BNC2: variants seen among roughly 807,000 people sequenced by gnomAD.
BNC2 encodes the protein basonuclin zinc finger protein 2.
A neutral mutation model predicts 76.3 loss-of-function variants in BNC2; 20 were observed. That is an observed-to-expected ratio of 0.26 (90% CI 0.18 to 0.38). The LOEUF (loss-of-function observed/expected upper bound fraction) is 0.38, where lower values mean the gene tolerates loss of function less well. Ranked by LOEUF, BNC2 falls within the 10% of genes least tolerant of loss-of-function variation. The probability of loss-of-function intolerance (pLI) is 1.00; values close to 1 mark genes in which losing one functional copy is unlikely to be tolerated. For missense variants in BNC2, 1,382 were observed against 1,399.8 expected (o/e 0.99, Z 0.20); for synonymous variants, 582 against 514.8 (o/e 1.13, Z -1.77).
chr9:16,591,665 GTGCAAA>G (rs1406454462), intron 3 of BNC2, among the ~76,000 whole-genome samples: 1 of 152,064 alleles, frequency 6.6e-6, no homozygotes, highest in Non-Finnish European at 1.5e-5. Flanking sequence ...TTAAACCATA[GTGCAAA>G]TGTCACTACT....
chr9:16,629,882 G>T (rs1821109891), intron 3 of BNC2, among the ~76,000 whole-genome samples: 1 of 152,186 alleles, frequency 6.6e-6, no homozygotes, highest in South Asian at 2.1e-4. Context: ...TGATCAGGGT[G>T]GTGGTTGATG....
intron 3 of BNC2, among the ~76,000 whole-genome samples, chr9:16,592,725 C>T (rs1471585456): frequency 1.3e-5 from 2 of 152,110 alleles, no homozygotes; most frequent in Admixed American, 6.5e-5. Context: ...CCCACTGCCC[C>T]ACCTACTTTC....
At chr9:16,512,848 AG>A (rs1822790730) in intron 5 of BNC2, among the ~76,000 whole-genome samples, 2 of 127,532 alleles carry the variant, frequency 1.6e-5, no homozygotes, top group African/African-American at 9.9e-5. Context: ...AAAAATAATG[AG>A]ATATGGCTGG....
At chr9:16,728,117 G>A in intron 2 of BNC2, 120 bp from the exon 3 acceptor site, 1 of 694,470 alleles carries the variant, frequency 1.4e-6, no homozygotes, top group Non-Finnish European at 2.6e-6. Flanking sequence ...GGGGGAGGGA[G>A]GGGGTCAGAG....
intron 1 of BNC2, among the ~76,000 whole-genome samples, chr9:16,840,573 G>A (rs772662606): frequency 3.3e-5 from 5 of 152,076 alleles, no homozygotes; most frequent in South Asian, 2.1e-4. Context: ...TTCCAAATAC[G>A]CACATCTGTG....
chr9:16,654,652 G>A (rs1467321479), intron 3 of BNC2, among the ~76,000 whole-genome samples: 2 of 152,028 alleles, frequency 1.3e-5, no homozygotes, highest in Non-Finnish European at 2.9e-5. Flanking sequence ...CATATAGGTT[G>A]CTCAATTTGC....
chr9:16,510,540 A>G (rs1321361317), intron 5 of BNC2, among the ~76,000 whole-genome samples: 2 of 152,274 alleles, frequency 1.3e-5, no homozygotes, highest in African/African-American at 4.8e-5. Flanking sequence ...GTCCCGACAT[A>G]GCTACATGCT....
At chr9:16,608,016 G>A (rs1459769952) in intron 3 of BNC2, among the ~76,000 whole-genome samples, 2 of 152,050 alleles carry the variant, frequency 1.3e-5, no homozygotes, top group Non-Finnish European at 2.9e-5. Context: ...CTGCCAGAAG[G>A]GACCACAAAG....
At chr9:16,525,078 G>T (rs1016752723) in intron 5 of BNC2, among the ~76,000 whole-genome samples, 4 of 137,208 alleles carry the variant, frequency 2.9e-5, no homozygotes, top group South Asian at 2.3e-4. Context: ...AGTGGGGGAG[G>T]GGGGGGGAAG....
intron 3 of BNC2, among the ~76,000 whole-genome samples, chr9:16,630,750 T>TTTTTTTTTTTTTG (rs1486329523): frequency 2.2e-5 from 1 of 45,184 alleles, no homozygotes; most frequent in Non-Finnish European, 3.9e-5. Context: ...GGAGCGTTTC[T>TTTTTTTTTTTTTG]TTTTTTGAAA....
intron 5 of BNC2, among the ~76,000 whole-genome samples, chr9:16,464,896 T>A (rs1643966217): frequency 6.6e-6 from 1 of 152,236 alleles, no homozygotes; most frequent in South Asian, 2.1e-4. Context: ...GACTGAACTA[T>A]GATCTATATG....
intron 5 of BNC2, among the ~76,000 whole-genome samples, chr9:16,456,033 C>T (rs891910985): frequency 6.9e-6 from 1 of 144,328 alleles, no homozygotes; most frequent in African/African-American, 2.7e-5. Context: ...CAACAGGTAG[C>T]TGATTTTCTA....
intron 1 of BNC2, among the ~76,000 whole-genome samples, chr9:16,844,397 T>TAAA (rs890940125): frequency 6.6e-6 from 1 of 150,482 alleles, no homozygotes; most frequent in Non-Finnish European, 1.5e-5. Flanking sequence ...GTACACACCT[T>TAAA]AAAAAAAATC....
chr9:16,429,605 A>T (rs1820866994), intron 6 of BNC2: 1 of 195,770 alleles, frequency 5.1e-6, no homozygotes, highest in African/African-American at 2.3e-5. Flanking sequence ...TGCTGGCAAG[A>T]ACAGTAGATT....
At chr9:16,599,471 T>G (rs1448934617) in intron 3 of BNC2, among the ~76,000 whole-genome samples, 1 of 152,120 alleles carries the variant, frequency 6.6e-6, no homozygotes, top group Admixed American at 6.6e-5. Flanking sequence ...TCCCTCAACT[T>G]GTCTTTAAGT....
chr9:16,830,455 G>A (rs762522358), intron 1 of BNC2, among the ~76,000 whole-genome samples: 20 of 152,296 alleles, frequency 1.3e-4, no homozygotes, highest in Non-Finnish European at 2.4e-4. Flanking sequence ...TAAATGCTAC[G>A]TAAATATTTG....
intron 5 of BNC2, among the ~76,000 whole-genome samples, chr9:16,529,407 G>A (rs958389566): frequency 8.5e-5 from 13 of 152,114 alleles, no homozygotes; most frequent in Non-Finnish European, 2.9e-5. Context: ...ATGGAGAAGT[G>A]TTATCTCTAC....
At position 16,436,063 on chromosome 9, in the gene BNC2, T is replaced by C; in HGVS notation, c.2131A>G (p.Met711Val). ...SRTEIRRADS[M>V]TSEDQEPERD... The stretch of plus-strand genomic sequence containing the variant: ...TCAGGTTCTTGGTCTTCAGAAGTCA[T>C]GCTGTCGGCCCTCCTTATTTCAGTC... The change falls in exon 6 of 7, where the codon ATG (methionine) becomes GTG (valine). Residue 711 changes from methionine to valine, a missense_variant. By Grantham distance (21) the Met-to-Val change is conservative. This residue lies in a region of BNC2 where 798 missense variants were observed against 775.5 expected (regional missense o/e 1.03). Coordinates refer to ENST00000380672, the MANE Select transcript of BNC2 (RefSeq NM_017637.6). 6.2e-7 allele frequency: 1 copy of C among 1,614,198 alleles called. No homozygotes were observed. The highest frequency in any genetic ancestry group is 8.5e-7 in the Non-Finnish European group (1 of 1,180,040).
intron 6 of BNC2, among the ~76,000 whole-genome samples, chr9:16,427,782 A>G (rs961396718): frequency 1.3e-5 from 2 of 152,170 alleles, no homozygotes; most frequent in Non-Finnish European, 2.9e-5. Context: ...ACTACAGGGT[A>G]AACAGCATCT....
Sources: gnomAD v4.1 joint callset for allele counts (sites outside exome capture counted in the v4.1 genomes callset) on GRCh38, gnomAD v4.1.1 for gene constraint, gnomAD v4.1.1 regional missense constraint, MANE v1.5 for transcripts, NCBI Gene and HGNC (gene_info 2026-07-23, HGNC 2026-07-21) for gene names.